The following METAP1D variants were observed in gnomAD, a reference collection of about 807,000 sequenced individuals.
METAP1D encodes methionyl aminopeptidase type 1D, mitochondrial, also known as methionine aminopeptidase 1D, mitochondrial.
In METAP1D, 31 loss-of-function variants were observed where a neutral mutation model predicts 40.5. That is an observed-to-expected ratio of 0.77 (90% confidence interval 0.58 to 1.03). The LOEUF is 1.03. Among genes scored for constraint, METAP1D ranks in the 50% least tolerant of loss-of-function variants. The probability of loss-of-function intolerance (pLI) is 0.00; values close to 1 mark genes in which losing one functional copy is unlikely to be tolerated. For synonymous variants in METAP1D, 151 were observed against 146.4 expected (o/e 1.03, Z -0.22); for missense variants, 411 against 420.7 (o/e 0.98, Z 0.20).
intron 1 of METAP1D, among the ~76,000 whole-genome samples, chr2:172,036,128 T>G (rs557879938): frequency 3.3e-5 from 5 of 151,664 alleles, no homozygotes; most frequent in South Asian, 2.1e-4. Flanking sequence ...CCATCCTGGC[T>G]AACACGGTGA....
intron 1 of METAP1D, among the ~76,000 whole-genome samples, chr2:172,008,745 T>A (rs1688646076): frequency 6.6e-6 from 1 of 152,094 alleles, no homozygotes. Flanking sequence ...TATGATGATG[T>A]GAGATGATAA....
intron 6 of METAP1D, among the ~76,000 whole-genome samples, chr2:172,076,861 C>T (rs1365266485): frequency 6.6e-6 from 1 of 152,096 alleles, no homozygotes; most frequent in Non-Finnish European, 1.5e-5. Flanking sequence ...GGCATTTTGC[C>T]CTTTGTCCAC....
chr2:172,028,413 A>T (rs972777475), intron 1 of METAP1D, among the ~76,000 whole-genome samples: 2 of 152,238 alleles, frequency 1.3e-5, no homozygotes, highest in Admixed American at 1.3e-4. Flanking sequence ...CCTCAAGGCC[A>T]TAATGGGAAG....
intron 2 of METAP1D, among the ~76,000 whole-genome samples, 184 bp from the exon 3 acceptor site, chr2:172,063,527 G>T (rs1423349804): frequency 6.6e-6 from 1 of 152,198 alleles, no homozygotes; most frequent in African/African-American, 2.4e-5. Flanking sequence ...AACAGGCAAT[G>T]TTAAGTTCAA....
Position 172,042,997 on chromosome 2 carries a change from A to G in METAP1D, c.41-18501A>G, listed in dbSNP as rs565149685. ...TGTGCATACATATGTGTGCGTGTGT[A>G]CACATATATGTGTATGTGTACACAT... On this transcript the variant is annotated intron_variant, in intron 1 of 9. Transcript: ENST00000315796. Among the ~76,000 whole-genome samples the G allele has an allele frequency of 1.3e-4, 14 of 106,898 alleles. 3 individuals carry two copies. The highest frequency in any genetic ancestry group is 1.2e-3 in the South Asian group (4 of 3,238). 70.1% of individuals were successfully genotyped at this position (106,898 alleles called of 152,430 possible).
At chr2:172,031,038 A>G (rs1474568000) in intron 1 of METAP1D, among the ~76,000 whole-genome samples, 1 of 152,218 alleles carries the variant, frequency 6.6e-6, no homozygotes, top group Non-Finnish European at 1.5e-5. Flanking sequence ...GAGACTAAAG[A>G]CATTTATAGT....
intron 1 of METAP1D, among the ~76,000 whole-genome samples, chr2:172,000,452 C>T (rs1688432329): frequency 7.1e-6 from 1 of 141,528 alleles, no homozygotes; most frequent in Admixed American, 6.9e-5. Context: ...TGGTTTTCTT[C>T]CAGTGACTTA....
chr2:172,021,024 T>G (rs1228090669), intron 1 of METAP1D, among the ~76,000 whole-genome samples: 1 of 152,146 alleles, frequency 6.6e-6, no homozygotes, highest in Non-Finnish European at 1.5e-5. Context: ...TTTTTACTAC[T>G]ATTAAAAAAA....
chr2:172,054,952 C>G (rs1689968516), intron 1 of METAP1D, among the ~76,000 whole-genome samples: 1 of 152,122 alleles, frequency 6.6e-6, no homozygotes, highest in Non-Finnish European at 1.5e-5. Flanking sequence ...TAAGAAAACC[C>G]TATATAGAGT....
intron 1 of METAP1D, among the ~76,000 whole-genome samples, chr2:172,054,153 C>A (rs996077858): frequency 2.6e-5 from 4 of 152,090 alleles, no homozygotes; most frequent in Non-Finnish European, 5.9e-5. Flanking sequence ...GAGCAGATAA[C>A]AATTAAAATG....
chr2:172,069,953 G>A (rs1287380692), intron 5 of METAP1D, among the ~76,000 whole-genome samples: 2 of 152,158 alleles, frequency 1.3e-5, no homozygotes, highest in Non-Finnish European at 2.9e-5. Context: ...CAGACTGAAA[G>A]CTCATATAAA....
intron 1 of METAP1D, among the ~76,000 whole-genome samples, chr2:172,053,914 A>G (rs947803658): frequency 6.6e-6 from 1 of 152,236 alleles, no homozygotes; most frequent in African/African-American, 2.4e-5. Context: ...AAACTTGAGT[A>G]CAAATGTACT....
At chr2:172,017,855 G>A (rs774740740) in intron 1 of METAP1D, among the ~76,000 whole-genome samples, 1 of 152,086 alleles carries the variant, frequency 6.6e-6, no homozygotes, top group Non-Finnish European at 1.5e-5. Flanking sequence ...TGGGCTGGGC[G>A]CGGTGGCTTA....
At chr2:172,045,699 A>ATATGTGTGTGTG (rs1355888809) in intron 1 of METAP1D, among the ~76,000 whole-genome samples, 1 of 82,218 alleles carries the variant, frequency 1.2e-5, no homozygotes, top group Non-Finnish European at 2.2e-5. Flanking sequence ...ATTCATATAT[A>ATATGTGTGTGTG]TGTGTGTGTG....
chr2:172,046,747 G>A (rs897244223), intron 1 of METAP1D, among the ~76,000 whole-genome samples: 1 of 152,126 alleles, frequency 6.6e-6, no homozygotes, highest in South Asian at 2.1e-4. Flanking sequence ...AAATTTGTTT[G>A]ACATTTTTAT....
intron 5 of METAP1D, among the ~76,000 whole-genome samples, chr2:172,068,059 C>T (rs1690328105): frequency 6.6e-6 from 1 of 152,140 alleles, no homozygotes; most frequent in Admixed American, 6.6e-5. Context: ...AATGCGATGT[C>T]CATAGTAGTT....
At chr2:172,024,050 G>C (rs1341002227) in intron 1 of METAP1D, among the ~76,000 whole-genome samples, 1 of 151,926 alleles carries the variant, frequency 6.6e-6, no homozygotes, top group Non-Finnish European at 1.5e-5. Context: ...TAGTAGAGAT[G>C]GGGTTTCACT....
rs553238674 is a variant in METAP1D at position 172,068,110 on chromosome 2, G to A, written c.540+1804G>A. Among the ~76,000 whole-genome samples the A allele has an allele frequency of 9.8e-5, 15 of 152,344 alleles. 2 individuals are homozygous for A. In the South Asian group the frequency reaches 3.1e-3, roughly 32 times the overall value. ...GTTAAATGAAGTACAAGGGCCAGGC[G>A]CAGTGGCTCATGCCTGAAATCCCAG... is the stretch of plus-strand genomic sequence containing the variant. On this transcript the variant is annotated intron_variant, in intron 5 of 9. Coordinates refer to ENST00000315796, the MANE Select transcript of METAP1D (RefSeq NM_199227.3).
At position 172,046,367 on chromosome 2, in the gene METAP1D, T is replaced by C. The variant is rs1689766113; in HGVS notation, c.41-15131T>C. Among the ~76,000 whole-genome samples, 3 of 152,164 alleles carry C rather than the reference T, an allele frequency of 2.0e-5. No individual in the cohort carries two copies. The South Asian group carries it at 6.2e-4, about 32-fold the overall frequency. ...AGACAACATCCATTGCTCATCTACA[T>C]AATGAAATACACACTGAACATTACA... On this transcript the variant is annotated intron_variant, in intron 1 of 9. Transcript: ENST00000315796.
Sources: allele counts gnomAD v4.1 joint callset (sites outside exome capture counted in the v4.1 genomes callset), GRCh38; gene constraint gnomAD v4.1.1; transcripts MANE v1.5; gene names NCBI Gene and HGNC (gene_info 2026-07-23, HGNC 2026-07-21).